Variants in RSRC1 observed in about 807,000 individuals in gnomAD.
RSRC1 encodes serine/Arginine-related protein 53.
A neutral mutation model predicts 49.1 loss-of-function variants in RSRC1; 39 were observed. The observed-to-expected ratio is 0.79, with a 90% CI of 0.61 to 1.04. RSRC1 has a LOEUF of 1.04. Ranked by LOEUF, RSRC1 falls within the 50% of genes least tolerant of loss-of-function variation. The probability of loss-of-function intolerance (pLI) is 0.00; values close to 1 mark genes in which losing one functional copy is unlikely to be tolerated. For synonymous variants in RSRC1, 143 were observed against 130.8 expected (o/e 1.09, Z -0.63); for missense variants, 388 against 402.4 (o/e 0.96, Z 0.31).
chr3:158,383,795 A>G (rs891639065), intron 6 of RSRC1, among the ~76,000 whole-genome samples: 7 of 152,198 alleles, frequency 4.6e-5, no homozygotes, highest in Admixed American at 6.5e-5. Flanking sequence ...ATAGAAAGAT[A>G]TCAGTCACAA....
At chr3:158,112,023 G>C (rs1282333811) in intron 1 of RSRC1, among the ~76,000 whole-genome samples, 1 of 152,216 alleles carries the variant, frequency 6.6e-6, no homozygotes, top group Non-Finnish European at 1.5e-5. Flanking sequence ...CATGGCTTCA[G>C]TTCTGTAGTG....
intron 5 of RSRC1, among the ~76,000 whole-genome samples, chr3:158,317,549 A>G (rs1728529877): frequency 6.6e-6 from 1 of 150,590 alleles, no homozygotes. Context: ...TTTTCAGAGT[A>G]TGATGAGAAA....
At chr3:158,223,817 C>G (rs913533404) in intron 4 of RSRC1, among the ~76,000 whole-genome samples, 1 of 151,732 alleles carries the variant, frequency 6.6e-6, no homozygotes, top group African/African-American at 2.4e-5. Context: ...TTTCCATTCT[C>G]TAGACCTTTG....
chr3:158,334,572 C>T (rs970872893), intron 5 of RSRC1, among the ~76,000 whole-genome samples: 7 of 150,736 alleles, frequency 4.6e-5, no homozygotes, highest in African/African-American at 1.7e-4. Context: ...CCTCCGACTC[C>T]CTGGTTCAAG....
chr3:158,301,995 T>TGG (rs1559983621), intron 5 of RSRC1, among the ~76,000 whole-genome samples: 7 of 151,628 alleles, frequency 4.6e-5, no homozygotes, highest in African/African-American at 1.4e-4. Flanking sequence ...TTTTTTGTTT[T>TGG]TTTTTTTTGT....
intron 5 of RSRC1, among the ~76,000 whole-genome samples, chr3:158,307,700 C>T (rs1727913998): frequency 6.6e-6 from 1 of 151,746 alleles, no homozygotes; most frequent in African/African-American, 2.4e-5. Context: ...CATTTTTGCC[C>T]TTCCAATTTT....
intron 4 of RSRC1, among the ~76,000 whole-genome samples, chr3:158,227,268 A>G (rs1228218890): frequency 6.6e-6 from 1 of 151,946 alleles, no homozygotes; most frequent in Non-Finnish European, 1.5e-5. Context: ...AAACTCAGTT[A>G]CTAAATATGG....
intron 6 of RSRC1, among the ~76,000 whole-genome samples, chr3:158,447,187 G>A (rs929914982): frequency 6.6e-6 from 1 of 152,014 alleles, no homozygotes; most frequent in Non-Finnish European, 1.5e-5. Context: ...TTTATCAGAA[G>A]TGTTAGCCTT....
intron 5 of RSRC1, among the ~76,000 whole-genome samples, chr3:158,333,725 A>G (rs953351354): frequency 1.3e-5 from 2 of 152,244 alleles, no homozygotes; most frequent in African/African-American, 2.4e-5. Flanking sequence ...AACTTGGAAT[A>G]AAAACACAGA....
In RSRC1 at chr3:158,513,393, G is replaced by A. The variant is rs185830053; in HGVS notation, c.653-23699G>A. Reference sequence around the variant, plus strand: ...GATAATCATGTGGTTTTTGCCTTTGGTTCTGTTTATATGCTGGATTATATT... The same window carrying A: ...GATAATCATGTGGTTTTTGCCTTTGATTCTGTTTATATGCTGGATTATATT... On this transcript the variant is annotated intron_variant, in intron 7 of 9. Transcript: ENST00000611884. 1.0e-2 allele frequency among the ~76,000 whole-genome samples: 1,517 copies of A among 152,138 alleles called. 15 individuals carry two copies. Among genetic ancestry groups the A allele is most frequent in the African/African-American group, 0.035 (1,446 of 41,488 alleles).
intron 6 of RSRC1, among the ~76,000 whole-genome samples, chr3:158,439,785 C>T (rs1276254102): frequency 2.6e-5 from 4 of 151,994 alleles, no homozygotes; most frequent in African/African-American, 9.7e-5. Flanking sequence ...GCACGTTGTG[C>T]ACATGTACCC....
intron 4 of RSRC1, among the ~76,000 whole-genome samples, chr3:158,253,969 A>G (rs1449684699): frequency 5.9e-5 from 9 of 152,028 alleles, no homozygotes; most frequent in Admixed American, 4.6e-4. Flanking sequence ...CCTGTGTCCA[A>G]GTGTTCTCAT....
intron 6 of RSRC1, among the ~76,000 whole-genome samples, chr3:158,427,832 T>TA (rs1216460535): frequency 5.3e-5 from 8 of 151,828 alleles, no homozygotes; most frequent in African/African-American, 1.9e-4. Flanking sequence ...CCAGGCAGTA[T>TA]AACATCAACC....
At chr3:158,472,902 C>T (rs1269940532) in intron 7 of RSRC1, among the ~76,000 whole-genome samples, 2 of 152,162 alleles carry the variant, frequency 1.3e-5, no homozygotes, top group African/African-American at 4.8e-5. Context: ...GTGTTTTAGA[C>T]ATGAAGTCCT....
intron 6 of RSRC1, among the ~76,000 whole-genome samples, chr3:158,366,120 TC>T (rs1731755264): frequency 6.6e-6 from 1 of 152,226 alleles, no homozygotes; most frequent in South Asian, 2.1e-4. Context: ...GATGATAGTT[TC>T]TTTTGCTGTG....
chr3:158,241,129 A>G (rs1723549987), intron 4 of RSRC1, among the ~76,000 whole-genome samples: 1 of 152,176 alleles, frequency 6.6e-6, no homozygotes, highest in Admixed American at 6.6e-5. Context: ...CCTATTTATT[A>G]CAACAAAGAA....
chr3:158,362,237 G>A (rs1175101739), intron 6 of RSRC1, among the ~76,000 whole-genome samples: 1 of 152,190 alleles, frequency 6.6e-6, no homozygotes, highest in East Asian at 1.9e-4. Context: ...CCTCTTGGGA[G>A]GCTGAGGTGG....
intron 3 of RSRC1, among the ~76,000 whole-genome samples, chr3:158,162,475 G>T (rs1299328974): frequency 6.6e-6 from 1 of 152,078 alleles, no homozygotes; most frequent in African/African-American, 2.4e-5. Context: ...GAGTAGTTAG[G>T]ATAATCACCA....
At chr3:158,234,946 G>A (rs1036120483) in intron 4 of RSRC1, among the ~76,000 whole-genome samples, 2 of 152,012 alleles carry the variant, frequency 1.3e-5, no homozygotes, top group African/African-American at 2.4e-5. Flanking sequence ...AACCAATATA[G>A]CCAATCACAG....
Sources: allele counts gnomAD v4.1 joint callset (sites outside exome capture counted in the v4.1 genomes callset), GRCh38; gene constraint gnomAD v4.1.1; transcripts MANE v1.5; gene names NCBI Gene and HGNC (gene_info 2026-07-23, HGNC 2026-07-21).